TENM2: variants seen among roughly 807,000 people sequenced by gnomAD.
The protein encoded by TENM2 is teneurin-2.
A neutral mutation model predicts 245.2 loss-of-function variants in TENM2; 52 were observed. The observed-to-expected ratio is 0.21, with a 90% CI of 0.17 to 0.27. The LOEUF (loss-of-function observed/expected upper bound fraction) is 0.27. Ranked by LOEUF, TENM2 falls within the 10% of genes least tolerant of loss-of-function variation. The probability of loss-of-function intolerance (pLI) is 1.00; values close to 1 mark genes in which losing one functional copy is unlikely to be tolerated. For synonymous variants in TENM2, 1,363 were observed against 1,438.9 expected (o/e 0.95, Z 1.19); for missense variants, 3,046 against 3,666.8 (o/e 0.83, Z 4.37).
intron 2 of TENM2, among the ~76,000 whole-genome samples, chr5:167,548,156 A>G (rs1274314534): frequency 6.6e-6 from 1 of 152,210 alleles, no homozygotes; most frequent in East Asian, 1.9e-4. Flanking sequence ...AGTGTTTAAT[A>G]CCATAAAGGA....
the TENM2 span, among the ~76,000 whole-genome samples, chr5:167,073,075 C>G: frequency 6.6e-6 from 1 of 152,134 alleles, no homozygotes; most frequent in African/African-American, 2.4e-5. Flanking sequence ...TTTTACATTC[C>G]TCTATTGAAA....
chr5:167,787,456 A>T (rs929209282), intron 2 of TENM2, among the ~76,000 whole-genome samples: 4 of 152,210 alleles, frequency 2.6e-5, no homozygotes, highest in African/African-American at 9.6e-5. Flanking sequence ...TACTCAAGGA[A>T]GTTTACATTC....
intron 2 of TENM2, among the ~76,000 whole-genome samples, chr5:167,442,181 C>T (rs1407417861): frequency 6.6e-6 from 1 of 152,054 alleles, no homozygotes; most frequent in Admixed American, 6.6e-5. Context: ...TTCTTTGACT[C>T]TTTTTTCATT....
At chr5:167,544,457 A>G (rs573122918) in intron 2 of TENM2, among the ~76,000 whole-genome samples, 1 of 152,318 alleles carries the variant, frequency 6.6e-6, no homozygotes, top group Admixed American at 6.5e-5. Context: ...ATTGAGAGCT[A>G]CAATGGGATT....
the TENM2 span, among the ~76,000 whole-genome samples, chr5:167,197,854 A>G: frequency 1.3e-5 from 2 of 152,028 alleles, no homozygotes; most frequent in South Asian, 4.1e-4. Context: ...ATATAAATAC[A>G]TATATACATG....
intron 4 of TENM2, among the ~76,000 whole-genome samples, chr5:167,968,409 G>A (rs1781537441): frequency 6.6e-6 from 1 of 152,066 alleles, no homozygotes; most frequent in South Asian, 2.1e-4. Flanking sequence ...AGCTGTGTAT[G>A]CCTTATAGTT....
chr5:167,170,544 A>G, the TENM2 span, among the ~76,000 whole-genome samples: 1 of 152,206 alleles, frequency 6.6e-6, no homozygotes, highest in East Asian at 1.9e-4. Context: ...GTATCATGTA[A>G]GTTGTTTAAG....
chr5:166,999,995 A>G, the TENM2 span, among the ~76,000 whole-genome samples: 1 of 152,156 alleles, frequency 6.6e-6, no homozygotes, highest in Non-Finnish European at 1.5e-5. Flanking sequence ...GACCCCTGTA[A>G]GAGGAATGTT....
intron 1 of TENM2, among the ~76,000 whole-genome samples, chr5:167,355,208 C>CTG (rs781725320): frequency 3.3e-5 from 5 of 152,114 alleles, no homozygotes; most frequent in Non-Finnish European, 7.4e-5. Flanking sequence ...GCCCGTGGGT[C>CTG]TGTGTGTGCA....
At chr5:167,698,872 C>T (rs866352083) in intron 2 of TENM2, among the ~76,000 whole-genome samples, 14 of 151,472 alleles carry the variant, frequency 9.2e-5, no homozygotes, top group South Asian at 2.1e-4. Flanking sequence ...TTAGTAGAGG[C>T]GGGATTTCAC....
the TENM2 span, among the ~76,000 whole-genome samples, chr5:167,126,489 A>G: frequency 1.2e-4 from 19 of 152,214 alleles, no homozygotes; most frequent in Admixed American, 1.2e-3. Context: ...AAATAAAGCT[A>G]GAGAAAAACA....
chr5:168,097,013 CAAATGTGAACTAAT>C, intron 8 of TENM2, among the ~76,000 whole-genome samples: 1 of 152,036 alleles, frequency 6.6e-6, no homozygotes, highest in African/African-American at 2.4e-5. Context: ...AGGTTAGAGC[CAAATGTGAACTAAT>C]TCATTTTCAT....
At chr5:167,431,970 T>TATATATACACACATATATATAC (rs1554150947) in intron 2 of TENM2, among the ~76,000 whole-genome samples, 43 of 135,450 alleles carry the variant, frequency 3.2e-4, no homozygotes, top group African/African-American at 4.0e-4. Context: ...TGTATATATA[T>TATATATACACACATATATATAC]ATATATATGG....
At chr5:168,245,708 TC>T (rs1399492335) in intron 26 of TENM2, among the ~76,000 whole-genome samples, 3 of 151,996 alleles carry the variant, frequency 2.0e-5, no homozygotes, top group Non-Finnish European at 4.4e-5. Context: ...GTCCATTCCT[TC>T]CTTTCTCACC....
chr5:167,376,778 G>C (rs542364149), intron 2 of TENM2, among the ~76,000 whole-genome samples: 1 of 152,220 alleles, frequency 6.6e-6, no homozygotes, highest in Admixed American at 6.5e-5. Context: ...ACTCTGAGGT[G>C]CTTATTTAAT....
chr5:168,131,266 A>G (rs920009681), intron 12 of TENM2, among the ~76,000 whole-genome samples: 3 of 152,150 alleles, frequency 2.0e-5, no homozygotes, highest in Non-Finnish European at 4.4e-5. Flanking sequence ...GAACTGTTTG[A>G]TATCTGGGTA....
chr5:167,811,773 G>A (rs1022561901), intron 2 of TENM2, among the ~76,000 whole-genome samples: 11 of 152,138 alleles, frequency 7.2e-5, no homozygotes, highest in African/African-American at 1.9e-4. Flanking sequence ...CCAGCTTGGC[G>A]TTCCAGTAAT....
At chr5:168,090,879 C>A in intron 8 of TENM2, 110 bp downstream of exon 10, 3 of 929,438 alleles carry the variant, frequency 3.2e-6, no homozygotes, top group Non-Finnish European at 5.0e-6. Flanking sequence ...AGATGACAAC[C>A]AACCAGGATC....
At chr5:167,198,002 A>G in the TENM2 span, among the ~76,000 whole-genome samples, 1 of 151,990 alleles carries the variant, frequency 6.6e-6, no homozygotes, top group Non-Finnish European at 1.5e-5. Flanking sequence ...GAGATTTGTC[A>G]TAGCCTGAGA....
Sources: allele counts gnomAD v4.1 joint callset (sites outside exome capture counted in the v4.1 genomes callset), GRCh38; gene constraint gnomAD v4.1.1; transcripts MANE v1.5; gene names NCBI Gene and HGNC (gene_info 2026-07-23, HGNC 2026-07-21).